The following MAPRE2 variants were observed in gnomAD, a reference collection of about 807,000 sequenced individuals.
MAPRE2 encodes microtubule associated protein RP/EB family member 2.
A neutral mutation model predicts 43.2 loss-of-function variants in MAPRE2; 13 were observed. That is an observed-to-expected ratio of 0.30 (90% confidence interval 0.20 to 0.48). The LOEUF (loss-of-function observed/expected upper bound fraction) is 0.48. Among genes scored for constraint, MAPRE2 ranks in the 20% least tolerant of loss-of-function variants. The pLI, the probability that MAPRE2 is intolerant of heterozygous loss-of-function variation, is 0.99. For missense variants in MAPRE2, 161 were observed against 400.2 expected, an observed-to-expected ratio of 0.40 and a Z score of 5.10; for synonymous variants, 135 against 148.8, an observed-to-expected ratio of 0.91 and a Z score of 0.68.
intron 1 of MAPRE2, among the ~76,000 whole-genome samples, chr18:34,979,907 T>G (rs2097015173): frequency 6.6e-6 from 1 of 152,190 alleles, no homozygotes; most frequent in South Asian, 2.1e-4. Context: ...AACTTTCTTT[T>G]TCTTCTTTCA....
intron 2 of MAPRE2, among the ~76,000 whole-genome samples, chr18:35,072,320 T>A (rs1907151576): frequency 6.6e-6 from 1 of 152,208 alleles, no homozygotes; most frequent in Non-Finnish European, 1.5e-5. Flanking sequence ...TGGAGATGAA[T>A]GAACTGCAAT....
chr18:35,021,513 A>G (rs1180151292), intron 2 of MAPRE2, among the ~76,000 whole-genome samples: 1 of 152,146 alleles, frequency 6.6e-6, no homozygotes, highest in East Asian at 1.9e-4. Context: ...ATAGAAGAAA[A>G]CGTTTAATAA....
chr18:34,995,243 G>A (rs2097025881), intron 1 of MAPRE2, among the ~76,000 whole-genome samples: 1 of 152,136 alleles, frequency 6.6e-6, no homozygotes, highest in African/African-American at 2.4e-5. Flanking sequence ...TCCCAGTATG[G>A]TATACAGTTG....
At chr18:34,994,265 C>G (rs746954756) in intron 1 of MAPRE2, among the ~76,000 whole-genome samples, 5 of 152,084 alleles carry the variant, frequency 3.3e-5, no homozygotes, top group African/African-American at 4.8e-5. Context: ...ATATTAAGCA[C>G]TTGTTAGATG....
Position 35,042,879 on chromosome 18 carries a change from C to T in MAPRE2, c.122+1218C>T, listed in dbSNP as rs111520748. Among the ~76,000 whole-genome samples the T allele has an allele frequency of 1.2e-3, 182 of 152,040 alleles. 1 individual carries two copies. Among genetic ancestry groups the T allele is most frequent in the African/African-American group, 4.2e-3 (176 of 41,448 alleles). On this transcript the variant is annotated intron_variant, in intron 1 of 6. Transcript: ENST00000300249. ...TCACAAAATAGAACCAGAAAGTACC[C>T]TACTTCCTTTCTCTTTGGCCAAAGA...
At chr18:35,033,253 G>A (rs992444725) in intron 2 of MAPRE2, among the ~76,000 whole-genome samples, 2 of 152,120 alleles carry the variant, frequency 1.3e-5, no homozygotes, top group African/African-American at 2.4e-5. Context: ...CAGAACCAAA[G>A]ACAAAAACCA....
At chr18:35,118,520 C>T (rs1167023826) in intron 4 of MAPRE2, among the ~76,000 whole-genome samples, 1 of 152,208 alleles carries the variant, frequency 6.6e-6, no homozygotes, top group Non-Finnish European at 1.5e-5. Flanking sequence ...ATTGCAAGTA[C>T]TTTACCAAAA....
chr18:35,000,840 T>C (rs911629825), intron 1 of MAPRE2, among the ~76,000 whole-genome samples: 7 of 152,206 alleles, frequency 4.6e-5, no homozygotes, highest in African/African-American at 1.7e-4. Flanking sequence ...AGTTCCTCTG[T>C]GTGTGTTGGC....
At chr18:35,097,686 A>G in intron 3 of MAPRE2, 95 bp downstream of exon 3, 2 of 1,058,504 alleles carry the variant, frequency 1.9e-6, no homozygotes, top group South Asian at 3.2e-5. Flanking sequence ...AATGGGATAT[A>G]TCTTGATATC....
intron 2 of MAPRE2, among the ~76,000 whole-genome samples, chr18:35,077,960 A>G (rs577657136): frequency 6.6e-6 from 1 of 152,332 alleles, no homozygotes; most frequent in South Asian, 2.1e-4. Flanking sequence ...TATGATGGAT[A>G]TGTTCCTTAT....
chr18:35,026,276 G>A (rs1038764811), intron 2 of MAPRE2, among the ~76,000 whole-genome samples: 2 of 152,156 alleles, frequency 1.3e-5, no homozygotes, highest in Admixed American at 6.5e-5. Flanking sequence ...AAAGCTAAGT[G>A]CTGGCTATCA....
In MAPRE2 at chr18:35,041,575, C is replaced by A. The variant is rs11538995; in HGVS notation, c.36C>A (p.Gly12=). Reference sequence around the variant, plus strand: ...CGACCCAAACCCTGTCCCCAAATGGCGAGAACAACAACGACATCATCCAGG... The same window carrying A: ...CGACCCAAACCCTGTCCCCAAATGGAGAGAACAACAACGACATCATCCAGG... ...PGPTQTLSPN[G]ENNNDIIQDN... is the part of the protein sequence containing the mutation. Residue 12 remains glycine, a synonymous_variant, in exon 1 of 7, where the codon GGC becomes GGA. Coordinates refer to ENST00000300249, the MANE Select transcript of MAPRE2 (RefSeq NM_014268.4). The A allele has an allele frequency of 1.1e-5, 17 of 1,614,080 alleles. No homozygotes were observed. In the East Asian group the frequency reaches 1.3e-4, roughly 13 times the overall value.
At chr18:35,135,414 G>A (rs931836581) in intron 6 of MAPRE2, among the ~76,000 whole-genome samples, 13 of 151,978 alleles carry the variant, frequency 8.6e-5, no homozygotes, top group African/African-American at 3.1e-4. Context: ...CCTCCCAGAG[G>A]TCCAAGAAAT....
At chr18:35,039,872 C>A (rs1454132088), upstream of MAPRE2, among the ~76,000 whole-genome samples, 1 of 152,174 alleles carries the variant, frequency 6.6e-6, no homozygotes, top group African/African-American at 2.4e-5. Flanking sequence ...TCCCTTTTCA[C>A]CCTATAAAAG....
chr18:35,044,380 G>A (rs1010304754), intron 1 of MAPRE2, among the ~76,000 whole-genome samples: 4 of 152,038 alleles, frequency 2.6e-5, no homozygotes, highest in African/African-American at 7.3e-5. Flanking sequence ...ACAGGCATGC[G>A]CCACCACGCC....
In MAPRE2 at chr18:35,041,474, A is replaced by G. The variant is rs1905361953; in HGVS notation, c.-66A>G. On this transcript the variant is annotated 5_prime_UTR_variant, in exon 1 of 7. Transcript: ENST00000300249. ...CGTGCGGAGCAGGCGAGCGAGCGGG[A>G]AGACGCAGCCACCTTCCTCACCAGC... 10 of 1,611,990 alleles carry G rather than the reference A, an allele frequency of 6.2e-6. No individual in the cohort carries two copies. The highest frequency in any genetic ancestry group is 1.1e-5 in the South Asian group (1 of 91,042).
At chr18:35,057,507 CGTGTGT>C (rs58171272) in intron 1 of MAPRE2, among the ~76,000 whole-genome samples, 8 of 149,408 alleles carry the variant, frequency 5.4e-5, no homozygotes, top group Non-Finnish European at 1.0e-4. Context: ...GGAGTGTGTG[CGTGTGT>C]GTGTGTGTGT....
At chr18:34,977,551 G>T (rs2097013873) in intron 1 of MAPRE2, among the ~76,000 whole-genome samples, 1 of 152,196 alleles carries the variant, frequency 6.6e-6, no homozygotes, top group Non-Finnish European at 1.5e-5. Context: ...CAGGGGCTGC[G>T]CGCTTGGGGG....
At chr18:34,977,705 G>A (rs2097013984) in intron 1 of MAPRE2, among the ~76,000 whole-genome samples, 1 of 152,234 alleles carries the variant, frequency 6.6e-6, no homozygotes, top group African/African-American at 2.4e-5. Context: ...CCGGGTGGGT[G>A]CAAAAGGAAG....
Sources: gnomAD v4.1 joint callset for allele counts (sites outside exome capture counted in the v4.1 genomes callset) on GRCh38, gnomAD v4.1.1 for gene constraint, MANE v1.5 for transcripts, NCBI Gene and HGNC (gene_info 2026-07-23, HGNC 2026-07-21) for gene names.